The following SCAPER variants were observed in gnomAD, a reference collection of about 807,000 sequenced individuals.
SCAPER encodes the protein S phase cyclin A-associated protein in the endoplasmic reticulum.
In SCAPER, 98 loss-of-function variants were observed where a neutral mutation model predicts 182.2. The ratio of observed to expected loss-of-function variants is 0.54; its 90% CI spans 0.46 to 0.64. The LOEUF (loss-of-function observed/expected upper bound fraction) is 0.64, where lower values mean the gene tolerates loss of function less well. SCAPER is among the 30% of genes least tolerant of loss of function. The pLI is 0.00. For synonymous variants in SCAPER, 605 were observed against 564.6 expected (o/e 1.07, Z -1.01); for missense variants, 1,432 against 1,690.0 (o/e 0.85, Z 2.68).
At chr15:76,537,628 T>C (rs945056228) in intron 23 of SCAPER, among the ~76,000 whole-genome samples, 1 of 151,972 alleles carries the variant, frequency 6.6e-6, no homozygotes, top group African/African-American at 2.4e-5. Context: ...GAAGAAAACC[T>C]AGGCATTACC....
chr15:76,900,911 G>T (rs1000196259), intron 1 of SCAPER, among the ~76,000 whole-genome samples: 7 of 152,146 alleles, frequency 4.6e-5, no homozygotes, highest in African/African-American at 1.7e-4. Flanking sequence ...CCTCTCCAGG[G>T]TTCACAAAGT....
chr15:76,619,370 A>G (rs1487950077), intron 22 of SCAPER, among the ~76,000 whole-genome samples: 1 of 152,164 alleles, frequency 6.6e-6, no homozygotes, highest in East Asian at 1.9e-4. Flanking sequence ...TGGAGCTATT[A>G]TTACAATTAA....
intron 4 of SCAPER, among the ~76,000 whole-genome samples, chr15:76,851,901 T>TA (rs1415511430): frequency 3.3e-5 from 5 of 151,846 alleles, no homozygotes; most frequent in East Asian, 3.9e-4. Flanking sequence ...CAAGTTGGAT[T>TA]AAAAAAAACA....
In SCAPER at chr15:76,864,392, A is replaced by G. The variant is rs557628105; in HGVS notation, c.7-1859T>C. Among the ~76,000 whole-genome samples the G allele has an allele frequency of 2.6e-5, 4 of 152,348 alleles. No homozygotes were observed. In the South Asian group the frequency reaches 6.2e-4, roughly 24 times the overall value. ...GAGAAACACATTTACTAACTACATT[A>G]CAGCATTTACGTATGGTTCTTATCT... On this transcript the variant is annotated intron_variant, in intron 2 of 31. Transcript: ENST00000563290.
intron 4 of SCAPER, among the ~76,000 whole-genome samples, chr15:76,852,227 C>A (rs186022799): frequency 7.9e-5 from 12 of 152,300 alleles, no homozygotes; most frequent in African/African-American, 2.4e-4. Context: ...GACTTAGACT[C>A]CCACACAATA....
chr15:76,864,703 T>A (rs1450312617), intron 2 of SCAPER, among the ~76,000 whole-genome samples: 2 of 152,296 alleles, frequency 1.3e-5, no homozygotes, highest in East Asian at 3.9e-4. Context: ...AATTTTTTTT[T>A]TTTTATTTTA....
At chr15:76,792,977 C>T (rs745423913) in intron 8 of SCAPER, among the ~76,000 whole-genome samples, 1 of 152,198 alleles carries the variant, frequency 6.6e-6, no homozygotes, top group Non-Finnish European at 1.5e-5. Context: ...TAGCTCACTC[C>T]GTATGTTTGT....
intron 17 of SCAPER, among the ~76,000 whole-genome samples, chr15:76,708,678 C>T (rs2059399507): frequency 6.6e-6 from 1 of 152,068 alleles, no homozygotes; most frequent in Non-Finnish European, 1.5e-5. Context: ...TGCAATGAAA[C>T]CAAAGGTTAG....
At position 76,348,587 on chromosome 15, in the gene SCAPER, T is replaced by C; in HGVS notation, c.*46A>G. The stretch of plus-strand genomic sequence containing the variant: ...CAATTAGAATGTTTGTTTGGACAAT[T>C]TAAAATATTAACAAGGGTACTCAAA... On this transcript the variant is annotated 3_prime_UTR_variant, in exon 32 of 32. Transcript: ENST00000563290. The C allele has an allele frequency of 7.8e-7, 1 of 1,289,032 alleles. No individual in the cohort carries two copies. The highest frequency in any genetic ancestry group is 1.1e-6 in the Non-Finnish European group (1 of 927,998). The allele number at this position is 1,289,032 out of a possible 1,614,324, so 79.8% of individuals were successfully genotyped here.
intron 24 of SCAPER, among the ~76,000 whole-genome samples, chr15:76,494,358 G>T (rs425756): frequency 0.97 from 147,763 of 152,138 alleles, 71,886 homozygotes; most frequent in South Asian, 1. Flanking sequence ...CCTTTCTCAT[G>T]TTCTGTTAGG....
chr15:76,705,811 C>T, intron 18 of SCAPER, 92 bp downstream of exon 18: 1 of 813,186 alleles, frequency 1.2e-6, no homozygotes, highest in South Asian at 1.8e-5. Flanking sequence ...ATTAAGAATA[C>T]AAATTAATTC....
chr15:76,598,674 C>T lies in SCAPER; in HGVS notation c.2711+23090G>A, dbSNP rs575179147. On this transcript the variant is annotated intron_variant, in intron 22 of 31. Coordinates refer to ENST00000563290, the MANE Select transcript of SCAPER (RefSeq NM_020843.4). ...CAGGGACATAGATGAAGCTGGAAAC[C>T]GTCATTCTCTGCAAACTAACACAGG... Among the ~76,000 whole-genome samples, 2 of 120,634 alleles carry T rather than the reference C, an allele frequency of 1.7e-5. 1 individual carries two copies. The highest frequency in any genetic ancestry group is 5.0e-5 in the African/African-American group (2 of 39,656). 79.1% of individuals were successfully genotyped at this position (120,634 alleles called of 152,430 possible).
chr15:76,757,450 A>T (rs1476630233), intron 14 of SCAPER, among the ~76,000 whole-genome samples: 1 of 85,270 alleles, frequency 1.2e-5, no homozygotes, highest in Non-Finnish European at 2.9e-5. Flanking sequence ...ATTCTGTTTT[A>T]TATATACACA....
intron 16 of SCAPER, among the ~76,000 whole-genome samples, chr15:76,729,329 T>C (rs537193768): frequency 2.0e-4 from 28 of 138,076 alleles, no homozygotes; most frequent in Non-Finnish European, 3.4e-4. Context: ...CACACACATA[T>C]ACATATATAT....
At chr15:76,561,624 T>A (rs897429177) in intron 23 of SCAPER, among the ~76,000 whole-genome samples, 1 of 152,084 alleles carries the variant, frequency 6.6e-6, no homozygotes, top group Non-Finnish European at 1.5e-5. Flanking sequence ...GTAGGTAGAA[T>A]ACAGTTATTA....
intron 24 of SCAPER, among the ~76,000 whole-genome samples, chr15:76,478,974 C>G (rs759421723): frequency 3.3e-5 from 5 of 151,748 alleles, no homozygotes; most frequent in African/African-American, 4.8e-5. Context: ...CTACTTGTTT[C>G]AAATCTTTTG....
chr15:76,811,729 G>A lies in SCAPER; in HGVS notation c.394-7096C>T, dbSNP rs559887818. Among the ~76,000 whole-genome samples the A allele has an allele frequency of 2.4e-3, 367 of 151,510 alleles. 2 individuals are homozygous for A. The highest frequency in any genetic ancestry group is 3.6e-3 in the Non-Finnish European group (243 of 67,836). On this transcript the variant is annotated intron_variant, in intron 5 of 31. Coordinates refer to ENST00000563290, the MANE Select transcript of SCAPER (RefSeq NM_020843.4). ...CTTGAACCCAGGAGGTGGAGGTTGC[G>A]GTGAGCTGAGATCACGCCATTGCAC...
At chr15:76,900,496 C>CA (rs2074722182) in intron 1 of SCAPER, among the ~76,000 whole-genome samples, 1 of 151,656 alleles carries the variant, frequency 6.6e-6, no homozygotes, top group African/African-American at 2.4e-5. Context: ...GTGGAGCACC[C>CA]AAAAAAACAA....
At chr15:76,844,246 ATTTG>A (rs770290137) in intron 4 of SCAPER, among the ~76,000 whole-genome samples, 8 of 145,710 alleles carry the variant, frequency 5.5e-5, no homozygotes, top group East Asian at 2.1e-4. Context: ...AATCAAGGAC[ATTTG>A]AGAGACAAAG....
Sources: allele counts gnomAD v4.1 joint callset (sites outside exome capture counted in the v4.1 genomes callset), GRCh38; gene constraint gnomAD v4.1.1; transcripts MANE v1.5; gene names NCBI Gene and HGNC (gene_info 2026-07-23, HGNC 2026-07-21).